The following CTNND2 variants were observed in gnomAD, a reference collection of about 807,000 sequenced individuals.
The protein encoded by CTNND2 is catenin delta 2.
Under a neutral mutation model 144.4 loss-of-function variants are expected in CTNND2, and 22 were observed. The observed-to-expected ratio is 0.15, with a 90% CI of 0.11 to 0.22. The LOEUF is 0.22. Ranked by LOEUF, CTNND2 falls within the 10% of genes least tolerant of loss-of-function variation. The pLI is 1.00. For synonymous variants in CTNND2, 751 were observed against 695.6 expected, an observed-to-expected ratio of 1.08 and a Z score of -1.25; for missense variants, 1,353 against 1,618.8, an observed-to-expected ratio of 0.84 and a Z score of 2.82.
chr5:11,039,028 A>T (rs1329489965), intron 16 of CTNND2, among the ~76,000 whole-genome samples: 1 of 152,226 alleles, frequency 6.6e-6, no homozygotes, highest in East Asian at 1.9e-4. Context: ...CACAGTCCTC[A>T]TTCAGGGAAA....
intron 3 of CTNND2, among the ~76,000 whole-genome samples, chr5:11,534,987 G>C (rs1401022241): frequency 1.3e-5 from 2 of 152,084 alleles, no homozygotes; most frequent in African/African-American, 4.8e-5. Flanking sequence ...AGGAGTTCAA[G>C]ACCAGCCTGG....
intron 3 of CTNND2, among the ~76,000 whole-genome samples, chr5:11,464,000 A>G (rs375572137): frequency 9.9e-5 from 15 of 152,232 alleles, no homozygotes; most frequent in African/African-American, 3.6e-4. Context: ...ATTTTGTGTT[A>G]ACTCCTGTTA....
intron 1 of CTNND2, among the ~76,000 whole-genome samples, chr5:11,896,329 T>C (rs1378005541): frequency 2.6e-5 from 4 of 152,200 alleles, no homozygotes; most frequent in Admixed American, 2.0e-4. Flanking sequence ...TCGCTTGATA[T>C]CTCTGCTAAA....
chr5:11,551,875 A>G (rs1350578383), intron 3 of CTNND2, among the ~76,000 whole-genome samples: 1 of 152,134 alleles, frequency 6.6e-6, no homozygotes, highest in African/African-American at 2.4e-5. Flanking sequence ...TGCTGGGATT[A>G]CAGGTGTGAG....
chr5:11,483,543 G>T (rs1768488356), intron 3 of CTNND2, among the ~76,000 whole-genome samples: 1 of 152,202 alleles, frequency 6.6e-6, no homozygotes, highest in Non-Finnish European at 1.5e-5. Context: ...TAAAAGAAGA[G>T]ATTTGTGTAC....
intron 1 of CTNND2, among the ~76,000 whole-genome samples, chr5:11,781,138 C>T (rs983792830): frequency 1.3e-5 from 2 of 152,190 alleles, no homozygotes; most frequent in Middle Eastern, 3.4e-3. Context: ...CCTGTTGCTG[C>T]CAGTCACTAG....
Position 11,356,413 on chromosome 5 carries a change from A to G in CTNND2, c.1372+8283T>C, listed in dbSNP as rs193163239. Among the ~76,000 whole-genome samples the G allele has an allele frequency of 3.3e-5, 5 of 152,182 alleles. No homozygotes were observed. In the East Asian group the frequency reaches 9.7e-4, roughly 29 times the overall value. On this transcript the variant is annotated intron_variant, in intron 8 of 21. Transcript: ENST00000304623. The stretch of plus-strand genomic sequence containing the variant: ...AAATTCATGCACCTAGAGCCAACTT[A>G]TTTTCAACAAAGGTACCAAGAACTT...
chr5:11,786,967 C>T (rs1404222193), intron 1 of CTNND2, among the ~76,000 whole-genome samples: 1 of 152,144 alleles, frequency 6.6e-6, no homozygotes. Flanking sequence ...CCTCCGCAAA[C>T]ATGCAAAATT....
At chr5:11,400,381 G>A (rs1285377046) in intron 5 of CTNND2, among the ~76,000 whole-genome samples, 1 of 152,140 alleles carries the variant, frequency 6.6e-6, no homozygotes, top group African/African-American at 2.4e-5. Context: ...GCCACAGAGA[G>A]CAGAAGCCAT....
Position 11,364,704 on chromosome 5 carries a change from G to C in CTNND2, c.1364C>G (p.Thr455Arg), listed in dbSNP as rs762089241. The change falls in exon 8 of 22, where the codon ACG (threonine) becomes AGG (arginine). Residue 455 changes from threonine (T) to arginine (R), a missense_variant. Physicochemically the swap from Thr to Arg is moderately conservative, Grantham distance 71. Around this residue, in one of 4 missense-constraint regions of CTNND2, gnomAD observed 708 missense variants for 706.4 expected, o/e 1.00. Coordinates refer to ENST00000304623, the MANE Select transcript of CTNND2 (RefSeq NM_001332.4). ...GGGTCCTGATTACACACCTGTGCTCGTGCGGTAGGTGCCGGTGTGTGCTGG... is the reference window on the plus strand; with the variant it reads ...GGGTCCTGATTACACACCTGTGCTCCTGCGGTAGGTGCCGGTGTGTGCTGG... ...LPPAHTGTYR[T>R]STAPSSPGVD... The C allele has an allele frequency of 1.2e-6, 2 of 1,611,996 alleles. No homozygotes were observed. Among genetic ancestry groups the C allele is most frequent in the South Asian group, 1.1e-5 (1 of 90,808 alleles).
intron 1 of CTNND2, among the ~76,000 whole-genome samples, chr5:11,773,879 C>A (rs979329411): frequency 6.6e-6 from 1 of 150,386 alleles, no homozygotes; most frequent in Non-Finnish European, 1.5e-5. Context: ...AAAAGGAAAT[C>A]ATCATGTATT....
intron 1 of CTNND2, among the ~76,000 whole-genome samples, chr5:11,900,859 C>T (rs1289580853): frequency 6.6e-6 from 1 of 152,130 alleles, no homozygotes. Context: ...TGAATTATGA[C>T]ATCCAAGTTT....
At chr5:11,061,964 C>T (rs1747038752) in intron 16 of CTNND2, among the ~76,000 whole-genome samples, 3 of 152,164 alleles carry the variant, frequency 2.0e-5, no homozygotes. Context: ...CTGCCTCGGC[C>T]TCCCAAAGAG....
intron 3 of CTNND2, among the ~76,000 whole-genome samples, chr5:11,520,538 T>C (rs1046268645): frequency 6.6e-6 from 1 of 152,212 alleles, no homozygotes; most frequent in Non-Finnish European, 1.5e-5. Context: ...CTTTCACAAG[T>C]GTTTCTGAGA....
At chr5:11,275,493 C>T (rs1468461957) in intron 9 of CTNND2, among the ~76,000 whole-genome samples, 2 of 152,218 alleles carry the variant, frequency 1.3e-5, no homozygotes, top group Non-Finnish European at 2.9e-5. Context: ...AGCTGGCCCA[C>T]TGATGTACAC....
At chr5:11,805,153 G>A (rs1791922125) in intron 1 of CTNND2, among the ~76,000 whole-genome samples, 1 of 152,108 alleles carries the variant, frequency 6.6e-6, no homozygotes, top group African/African-American at 2.4e-5. Flanking sequence ...ATTTGGAGTA[G>A]GCAGATACAT....
intron 13 of CTNND2, among the ~76,000 whole-genome samples, chr5:11,113,549 T>C (rs1299418799): frequency 1.3e-5 from 2 of 151,986 alleles, no homozygotes; most frequent in African/African-American, 4.8e-5. Flanking sequence ...ACAGGAACCA[T>C]GGAAAGCGGA....
intron 16 of CTNND2, among the ~76,000 whole-genome samples, chr5:11,065,304 A>G (rs542083575): frequency 6.6e-6 from 1 of 152,340 alleles, no homozygotes; most frequent in Non-Finnish European, 1.5e-5. Context: ...TGGAAACTGT[A>G]CTTAGTTATG....
At chr5:11,573,118 T>A (rs1044137603) in intron 2 of CTNND2, among the ~76,000 whole-genome samples, 1 of 152,206 alleles carries the variant, frequency 6.6e-6, no homozygotes, top group Non-Finnish European at 1.5e-5. Context: ...AAGTCTGAGA[T>A]GTCCCCGACA....
Sources: gnomAD v4.1 joint callset for allele counts (sites outside exome capture counted in the v4.1 genomes callset) on GRCh38, gnomAD v4.1.1 for gene constraint, gnomAD v4.1.1 regional missense constraint, MANE v1.5 for transcripts, NCBI Gene and HGNC (gene_info 2026-07-23, HGNC 2026-07-21) for gene names.